NALCN: variants seen among roughly 807,000 people sequenced by gnomAD.
NALCN encodes sodium leak channel NALCN.
Under a neutral mutation model 225.3 loss-of-function variants are expected in NALCN, and 111 were observed. The ratio of observed to expected loss-of-function variants is 0.49; its 90% CI spans 0.42 to 0.58. The LOEUF is 0.58. Among genes scored for constraint, NALCN ranks in the 20% least tolerant of loss-of-function variants. The pLI, the probability that NALCN is intolerant of heterozygous loss-of-function variation, is 0.00. For missense variants in NALCN, 1,378 were observed against 2,202.4 expected (o/e 0.63, Z 7.49); for synonymous variants, 764 against 769.0 (o/e 0.99, Z 0.11).
intron 10 of NALCN, among the ~76,000 whole-genome samples, chr13:101,272,016 C>T (rs1023409117): frequency 2.6e-5 from 4 of 150,988 alleles, no homozygotes; most frequent in Admixed American, 1.3e-4. Flanking sequence ...TTGTGTGTCA[C>T]TGTGTGTGTA....
At position 101,258,642 on chromosome 13, in the gene NALCN, G is replaced by A. The variant is rs1376947344; in HGVS notation, c.1135-68C>T. ...CTCATGATTAAGTGTAATTGACTTA[G>A]TCCTTGGCTGACAGCACCTTTGTGA... is the stretch of plus-strand genomic sequence containing the variant. On this transcript the variant is annotated intron_variant, in intron 10 of 43. Transcript: ENST00000251127. The A allele has an allele frequency of 3.1e-6, 5 of 1,595,314 alleles. No individual in the cohort carries two copies. The African/African-American group carries it at 6.7e-5, about 21-fold the overall frequency.
At chr13:101,057,709 C>A in intron 43 of NALCN, 1 of 541,918 alleles carries the variant, frequency 1.8e-6, no homozygotes, top group Non-Finnish European at 3.3e-6. Flanking sequence ...GGCTTCTCAA[C>A]CATGATAGCC....
At chr13:101,264,696 C>G (rs781762096) in intron 10 of NALCN, among the ~76,000 whole-genome samples, 1 of 152,150 alleles carries the variant, frequency 6.6e-6, no homozygotes, top group Non-Finnish European at 1.5e-5. Flanking sequence ...TTATTTGCAA[C>G]TTCACAGTTT....
At chr13:101,063,247 C>T (rs1428874503) in intron 40 of NALCN, among the ~76,000 whole-genome samples, 1 of 152,220 alleles carries the variant, frequency 6.6e-6, no homozygotes, top group Non-Finnish European at 1.5e-5. Flanking sequence ...AGCACTGGTA[C>T]ATTGGGCTTC....
chr13:101,325,630 G>A lies in NALCN; in HGVS notation c.799+19636C>T, dbSNP rs116209468. Among the ~76,000 whole-genome samples the A allele has an allele frequency of 5.5e-4, 84 of 152,228 alleles. 1 individual carries two copies. The highest frequency in any genetic ancestry group is 1.9e-3 in the African/African-American group (79 of 41,546). ...GCTTCTTTTCTTTGTTCATCATCCA[G>A]GCTAGTGCTAGCTGCTTTCTTACGG... On this transcript the variant is annotated intron_variant, in intron 7 of 43. Coordinates refer to ENST00000251127, the MANE Select transcript of NALCN (RefSeq NM_052867.4).
intron 28 of NALCN, among the ~76,000 whole-genome samples, chr13:101,092,776 A>G (rs684333): frequency 0.058 from 8,757 of 152,166 alleles, 747 homozygotes; most frequent in African/African-American, 0.19. Context: ...TTTGGGCCTT[A>G]GACCCTATAA....
chr13:101,346,087 C>CTCTCTCTCTATATATATA, intron 6 of NALCN, among the ~76,000 whole-genome samples: 191 of 70,910 alleles, frequency 2.7e-3, no homozygotes, highest in African/African-American at 4.3e-3. Context: ...CTCTCTCTCT[C>CTCTCTCTCTATATATATA]TATATATATA....
intron 26 of NALCN, among the ~76,000 whole-genome samples, chr13:101,101,674 T>C (rs2034830255): frequency 6.6e-6 from 1 of 152,168 alleles, no homozygotes; most frequent in African/African-American, 2.4e-5. Context: ...GAATGTTCTA[T>C]GCATAGAGGA....
chr13:101,110,579 A>T (rs759560250), intron 20 of NALCN, 40 bp downstream of exon 20: 12 of 1,601,356 alleles, frequency 7.5e-6, no homozygotes, highest in Non-Finnish European at 1.0e-5. Context: ...ACATTTTCAT[A>T]ATCACGTTTC....
At chr13:101,192,777 T>C (rs2039735196) in intron 13 of NALCN, among the ~76,000 whole-genome samples, 2 of 152,216 alleles carry the variant, frequency 1.3e-5, no homozygotes, top group Non-Finnish European at 2.9e-5. Flanking sequence ...GTTTCATTCT[T>C]ACATATTTTT....
chr13:101,146,019 A>G (rs1162719802), intron 15 of NALCN, among the ~76,000 whole-genome samples: 4 of 152,134 alleles, frequency 2.6e-5, no homozygotes, highest in African/African-American at 9.7e-5. Context: ...CATCCCTCCT[A>G]TATGTGGAAA....
At chr13:101,318,441 A>G (rs2044633181) in intron 7 of NALCN, among the ~76,000 whole-genome samples, 2 of 152,194 alleles carry the variant, frequency 1.3e-5, no homozygotes, top group South Asian at 2.1e-4. Flanking sequence ...ATTAGAACAC[A>G]GTGAAGCTGC....
intron 1 of NALCN, among the ~76,000 whole-genome samples, chr13:101,414,376 A>T (rs192504691): frequency 6.6e-6 from 1 of 152,192 alleles, no homozygotes. Context: ...ATCTTAGGAT[A>T]TAGAGGTGTA....
chr13:101,175,382 T>C (rs1433692290), intron 15 of NALCN, among the ~76,000 whole-genome samples: 1 of 152,070 alleles, frequency 6.6e-6, no homozygotes, highest in African/African-American at 2.4e-5. Context: ...TTTAAATAGG[T>C]TATACTTTTT....
intron 14 of NALCN, among the ~76,000 whole-genome samples, chr13:101,179,667 C>A (rs950141200): frequency 7.2e-5 from 11 of 152,198 alleles, no homozygotes; most frequent in African/African-American, 2.7e-4. Context: ...GGCTTTCTTT[C>A]TGCTGACTTG....
intron 28 of NALCN, among the ~76,000 whole-genome samples, chr13:101,091,230 T>G (rs1164229847): frequency 6.6e-6 from 1 of 152,170 alleles, no homozygotes; most frequent in Non-Finnish European, 1.5e-5. Flanking sequence ...TCCGGACCAC[T>G]GACTAGAGTA....
intron 33 of NALCN, among the ~76,000 whole-genome samples, chr13:101,082,593 A>C (rs1425918415): frequency 6.6e-6 from 1 of 152,228 alleles, no homozygotes; most frequent in Non-Finnish European, 1.5e-5. Flanking sequence ...CAGACACAAC[A>C]ATCGACAGCA....
chr13:101,167,647 G>T (rs2038504830), intron 15 of NALCN, among the ~76,000 whole-genome samples: 1 of 151,898 alleles, frequency 6.6e-6, no homozygotes, highest in African/African-American at 2.4e-5. Context: ...GACCAGCCCT[G>T]GCCAACATGG....
chr13:101,394,158 A>T (rs2047219444), intron 3 of NALCN, among the ~76,000 whole-genome samples: 1 of 152,334 alleles, frequency 6.6e-6, no homozygotes, highest in East Asian at 1.9e-4. Context: ...AGGGATTCAC[A>T]TTATAACTGT....
Sources: allele counts gnomAD v4.1 joint callset (sites outside exome capture counted in the v4.1 genomes callset), GRCh38; gene constraint gnomAD v4.1.1; transcripts MANE v1.5; gene names NCBI Gene and HGNC (gene_info 2026-07-23, HGNC 2026-07-21).